TLR2: variants seen among roughly 807,000 people sequenced by gnomAD.
The protein encoded by TLR2 is toll-like receptor 2.
TLR2 carries 7 observed loss-of-function variants against 9.1 expected under a neutral mutation model. The ratio of observed to expected loss-of-function variants is 0.77; its 90% CI spans 0.44 to 1.44. TLR2 has a LOEUF of 1.44. TLR2 is among the 40% of genes most tolerant of loss of function. TLR2 has a pLI of 0.01. For synonymous variants in TLR2, 317 were observed against 344.6 expected, an observed-to-expected ratio of 0.92 and a Z score of 0.89; for missense variants, 812 against 904.6, an observed-to-expected ratio of 0.90 and a Z score of 1.31.
intron 2 of TLR2, among the ~76,000 whole-genome samples, chr4:153,694,382 G>A (rs1312272726): frequency 1.3e-5 from 2 of 152,238 alleles, no homozygotes; most frequent in Non-Finnish European, 2.9e-5. Context: ...TTTATGGCAA[G>A]ATCTGGGGCC....
intron 1 of TLR2, among the ~76,000 whole-genome samples, chr4:153,686,763 A>G (rs1272173395): frequency 6.6e-6 from 1 of 152,204 alleles, no homozygotes; most frequent in Non-Finnish European, 1.5e-5. Flanking sequence ...AAAAATCCAC[A>G]ATCATAGTGG....
At chr4:153,709,994 T>C (rs1248742987), downstream of TLR2, 2 of 160,830 alleles carry the variant, frequency 1.2e-5, no homozygotes, top group African/African-American at 4.8e-5. Flanking sequence ...ACTTTAAAGA[T>C]GTTGAACTGA....
intron 2 of TLR2, chr4:153,702,120 A>G (rs1040671463): frequency 6.6e-6 from 1 of 152,258 alleles, no homozygotes; most frequent in African/African-American, 2.4e-5. Flanking sequence ...TGTTGGGTTT[A>G]TGGTTACAAG....
At chr4:153,697,458 C>A (rs1736584572) in intron 2 of TLR2, among the ~76,000 whole-genome samples, 1 of 152,112 alleles carries the variant, frequency 6.6e-6, no homozygotes, top group African/African-American at 2.4e-5. Context: ...AGAGTTTCTA[C>A]AATTATGTGG....
intron 2 of TLR2, among the ~76,000 whole-genome samples, chr4:153,699,324 A>G (rs1560745654): frequency 6.6e-6 from 1 of 152,240 alleles, no homozygotes; most frequent in East Asian, 1.9e-4. Context: ...CTGTCACTCC[A>G]TAACCAACTG....
chr4:153,706,063 T>C lies in TLR2; in HGVS notation c.*801T>C, dbSNP rs1379581868. 6.6e-6 allele frequency among the ~76,000 whole-genome samples: 1 copy of C among 152,206 alleles called. No individual in the cohort carries two copies. Among genetic ancestry groups the C allele is most frequent in the Non-Finnish European group, 1.5e-5 (1 of 68,020 alleles). On this transcript the variant is annotated 3_prime_UTR_variant, in exon 3 of 3. Transcript: ENST00000642700. ...TATTCCTAGAAAAAAGTGCTGTGTATTTCCTATTAAACTTTACAGGATGAG... is the reference window on the plus strand; with the variant it reads ...TATTCCTAGAAAAAAGTGCTGTGTACTTCCTATTAAACTTTACAGGATGAG...
chr4:153,710,575 G>A, downstream of TLR2: 2 of 1,242,064 alleles, frequency 1.6e-6, no homozygotes, highest in Non-Finnish European at 2.3e-6. Context: ...AATAAACAAT[G>A]TAATGAATGG....
Position 153,704,416 on chromosome 4 carries a change from A to G in TLR2, c.1509A>G (p.Val503=). The change falls in exon 3 of 3, where the codon GTA becomes GTG. Residue 503 remains valine, a synonymous_variant. Coordinates refer to ENST00000642700, the MANE Select transcript of TLR2 (RefSeq NM_001318789.2). The part of the protein sequence containing the change: ...PDASLLPMLL[V]LKISRNAITT... ...CCTCCCTCTTACCCATGTTACTAGT[A>G]TTGAAAATCAGTAGGAATGCAATAA... The G allele has an allele frequency of 6.2e-7, 1 of 1,614,176 alleles. No individual in the cohort carries two copies.
chr4:153,705,993 G>C lies in TLR2; in HGVS notation c.*731G>C, dbSNP rs1167444830. 2.0e-5 allele frequency among the ~76,000 whole-genome samples: 3 copies of C among 152,194 alleles called. No homozygotes were observed. The highest frequency in any genetic ancestry group is 2.9e-5 in the Non-Finnish European group (2 of 68,028). On this transcript the variant is annotated 3_prime_UTR_variant, in exon 3 of 3. Transcript: ENST00000642700. ...CACTTCTCTGTGCAGCTGATCTCAAGAGCAACAAGGCAAAGTATTTGGGGC... is the reference window on the plus strand; with the variant it reads ...CACTTCTCTGTGCAGCTGATCTCAACAGCAACAAGGCAAAGTATTTGGGGC...
Position 153,703,925 on chromosome 4 carries a change from AG to A in TLR2, c.1019del (p.Arg340LysfsTer4). ...ATATTCACTTACAGAAAGAGTTAAAAGAATCACAGTAGAAAACAGTAAAGTT... is the reference window on the plus strand; with the variant it reads ...ATATTCACTTACAGAAAGAGTTAAAAAATCACAGTAGAAAACAGTAAAGTT... ...TLYSLTERVK[R>X]ITVENSKVFL... On this transcript the variant is annotated frameshift_variant, in exon 3 of 3. Coordinates refer to ENST00000642700, the MANE Select transcript of TLR2 (RefSeq NM_001318789.2). LOFTEE classifies it low-confidence loss of function (END_TRUNC). 6.2e-7 allele frequency: 1 copy of A among 1,613,112 alleles called. No individual in the cohort carries two copies. The highest frequency in any genetic ancestry group is 8.5e-7 in the Non-Finnish European group (1 of 1,179,784).
chr4:153,704,802 G>A lies in TLR2; in HGVS notation c.1895G>A (p.Arg632Lys). Reference protein sequence around the residue: ...WAWLQAKRKPRKAPSRNICYD... With the variant: ...WAWLQAKRKPKKAPSRNICYD... ...TGGCTCCAGGCCAAAAGGAAGCCCA[G>A]GAAAGCTCCCAGCAGGAACATCTGC... Residue 632 changes from arginine (R) to lysine (K), a missense_variant, in exon 3 of 3, where the codon AGG (arginine) becomes AAG (lysine). Transcript: ENST00000642700. The A allele has an allele frequency of 1.2e-6, 2 of 1,614,002 alleles. No homozygotes were observed. Among genetic ancestry groups the A allele is most frequent in the Non-Finnish European group, 1.7e-6 (2 of 1,179,982 alleles).
intron 2 of TLR2, among the ~76,000 whole-genome samples, chr4:153,692,079 A>C (rs540796693): frequency 6.6e-6 from 1 of 152,306 alleles, no homozygotes; most frequent in African/African-American, 2.4e-5. Context: ...CATGCCTTGT[A>C]GCAACACTTT....
intron 2 of TLR2, among the ~76,000 whole-genome samples, chr4:153,694,088 G>A (rs1736318801): frequency 6.6e-6 from 1 of 152,232 alleles, no homozygotes; most frequent in South Asian, 2.1e-4. Context: ...GCAAGCCGGT[G>A]ATAAGCATTA....
chr4:153,692,252 C>A (rs1157044991), intron 2 of TLR2, among the ~76,000 whole-genome samples: 1 of 152,092 alleles, frequency 6.6e-6, no homozygotes, highest in Non-Finnish European at 1.5e-5. Context: ...GAAGGCAGTC[C>A]CGGCTGCAAT....
chr4:153,699,353 A>G (rs1394820723), intron 2 of TLR2, among the ~76,000 whole-genome samples: 1 of 152,236 alleles, frequency 6.6e-6, no homozygotes, highest in Non-Finnish European at 1.5e-5. Context: ...ACATTGTTCT[A>G]TACCTCTTAA....
intron 2 of TLR2, among the ~76,000 whole-genome samples, chr4:153,694,970 C>T (rs564847454): frequency 4.6e-5 from 7 of 152,294 alleles, no homozygotes; most frequent in Admixed American, 4.6e-4. Flanking sequence ...ATAATATCCT[C>T]CAGTTCCATC....
At chr4:153,700,424 A>G (rs1461823674) in intron 2 of TLR2, among the ~76,000 whole-genome samples, 1 of 152,210 alleles carries the variant, frequency 6.6e-6, no homozygotes, top group African/African-American at 2.4e-5. Flanking sequence ...TGATAAGTTA[A>G]AGAAGACCTA....
rs768026859 is a variant in TLR2, at chr4:153,703,881, T to C, written c.974T>C (p.Phe325Ser). The C allele has an allele frequency of 6.2e-7, 1 of 1,614,108 alleles. No individual in the cohort carries two copies. The highest frequency in any genetic ancestry group is 8.5e-7 in the Non-Finnish European group (1 of 1,179,992). ...RRLHIPRFYL[F>S]YDLSTLYSLT... The stretch of plus-strand genomic sequence containing the variant: ...CTGCATATTCCAAGGTTTTACTTAT[T>C]TTATGATCTGAGCACTTTATATTCA... The change falls in exon 3 of 3, where the codon TTT becomes TCT. Residue 325 changes from phenylalanine (F) to serine (S), a missense_variant. Coordinates refer to ENST00000642700, the MANE Select transcript of TLR2 (RefSeq NM_001318789.2).
At chr4:153,708,223 G>A (rs74882406), downstream of TLR2, among the ~76,000 whole-genome samples, 1,371 of 152,314 alleles carry the variant, frequency 9.0e-3, 13 homozygotes, top group African/African-American at 0.032. Flanking sequence ...CTTATTTGCC[G>A]AGAGTTCTAA....
Sources: gnomAD v4.1 joint callset for allele counts (sites outside exome capture counted in the v4.1 genomes callset) on GRCh38, gnomAD v4.1.1 for gene constraint, MANE v1.5 for transcripts, NCBI Gene and HGNC (gene_info 2026-07-23, HGNC 2026-07-21) for gene names.